The following C1QL1 variants were observed in gnomAD, a reference collection of about 807,000 sequenced individuals.
C1QL1 encodes C1q-related factor.
A neutral mutation model predicts 14.2 loss-of-function variants in C1QL1; 15 were observed. That is an observed-to-expected ratio of 1.06 (90% CI 0.71 to 1.62). The LOEUF is 1.62. Ranked by LOEUF, C1QL1 falls within the 40% of genes most tolerant of loss-of-function variation. The pLI, the probability that C1QL1 is intolerant of heterozygous loss-of-function variation, is 0.00. For synonymous variants in C1QL1, 172 were observed against 172.4 expected (o/e 1.00, Z 0.02); for missense variants, 346 against 380.3 (o/e 0.91, Z 0.75).
Position 44,967,643 on chromosome 17 carries a change from G to A in C1QL1, c.406C>T (p.Leu136Phe). The A allele has an allele frequency of 6.2e-7, 1 of 1,613,846 alleles. No homozygotes were observed. Among genetic ancestry groups the A allele is most frequent in the Non-Finnish European group, 8.5e-7 (1 of 1,179,910 alleles). The change falls in exon 1 of 2, where the codon CTC becomes TTC. Residue 136 changes from leucine to phenylalanine, a missense_variant. Physicochemically the swap from Leu to Phe is conservative, Grantham distance 22. Transcript: ENST00000253407. The surrounding 1 kb of genome is among the most constrained non-coding windows in gnomAD (Gnocchi z 7.0). ...TVPRVAFYAG[L>F]KNPHEGYEVL... ...TCGTAACCCTCGTGGGGGTTCTTGA[G>A]GCCGGCGTAGAAGGCCACGCGCGGC...
rs773995562 is a variant in C1QL1, at chr17:44,967,572, G to A, written c.477C>T (p.Tyr159=). Residue 159 remains tyrosine (Y), a synonymous_variant, in exon 1 of 2, where the codon TAC becomes TAT. Coordinates refer to ENST00000253407, the MANE Select transcript of C1QL1 (RefSeq NM_006688.5). This position sits in a 1 kb window ranked among gnomAD's most constrained non-coding sequence, Gnocchi z 7.0. ...DDVVTNLGNN[Y]DAASGKFTCN... ...ACGTAAACTTGCCGCTGGCCGCGTC[G>A]TAGTTGTTGCCTAGGTTGGTGACCA... is the stretch of plus-strand genomic sequence containing the variant. 3 of 1,614,104 alleles carry A rather than the reference G, an allele frequency of 1.9e-6. No individual in the cohort carries two copies. The highest frequency in any genetic ancestry group is 1.7e-6 in the Non-Finnish European group (2 of 1,179,954).
Position 44,968,051 on chromosome 17 carries a change from C to G in C1QL1, c.-3G>C. 7.6e-7 allele frequency: 1 copy of G among 1,322,552 alleles called. No homozygotes were observed. The highest frequency in any genetic ancestry group is 9.7e-7 in the Non-Finnish European group (1 of 1,035,840). The allele number at this position is 1,322,552 out of a possible 1,614,324, so 81.9% of individuals were successfully genotyped here. ...AGCACCACCAGCACCAGCAGCATCA[C>G]CACACCCGCGGCGGCCGCTAGCAGC... On this transcript the variant is annotated 5_prime_UTR_variant, in exon 1 of 2. Transcript: ENST00000253407.
In C1QL1 at chr17:44,960,019, C is replaced by T. The variant is rs1005172476; in HGVS notation, c.*169G>A. On this transcript the variant is annotated 3_prime_UTR_variant, in exon 2 of 2. Transcript: ENST00000253407. ...CGCTGGGCCCGGCTCTGCAGCGAGC[C>T]GGTGGGAGGGCCTAGCTGTGGCCCA... The T allele has an allele frequency of 3.1e-6, 2 of 639,900 alleles. No homozygotes were observed. The highest frequency in any genetic ancestry group is 1.9e-5 in the African/African-American group (1 of 53,572). 39.6% of individuals were successfully genotyped at this position (639,900 alleles called of 1,614,324 possible).
chr17:44,967,761 C>G lies in C1QL1; in HGVS notation c.288G>C (p.Pro96=). 6.4e-7 allele frequency: 1 copy of G among 1,567,150 alleles called. No individual in the cohort carries two copies. The highest frequency in any genetic ancestry group is 8.6e-7 in the Non-Finnish European group (1 of 1,160,672). Residue 96 remains proline, a synonymous_variant, in exon 1 of 2, where the codon CCG becomes CCC. Coordinates refer to ENST00000253407, the MANE Select transcript of C1QL1 (RefSeq NM_006688.5). This position sits in a 1 kb window ranked among gnomAD's most constrained non-coding sequence, Gnocchi z 7.0. Reference sequence around the variant, plus strand: ...GCTTGCCTGGCTCACCCTTCTCCCCCGGCGGCCCCACAGGGCCGGGAGGAC... The same window carrying G: ...GCTTGCCTGGCTCACCCTTCTCCCCGGGCGGCCCCACAGGGCCGGGAGGAC... ...DPGPPGPVGP[P]GEKGEPGKPG... is the part of the protein sequence containing the mutation.
chr17:44,967,007 G>C lies in C1QL1; in HGVS notation c.597+445C>G, dbSNP rs541303554. Among the ~76,000 whole-genome samples, 8 of 152,170 alleles carry C rather than the reference G, an allele frequency of 5.3e-5. No individual in the cohort carries two copies. In the East Asian group the frequency reaches 1.6e-3, roughly 30 times the overall value. ...TTCCTGCAGCCAGCCTTCTCCGCTC[G>C]CGCCCATGGCCACGCGCCTAGGCGC... On this transcript the variant is annotated intron_variant, in intron 1 of 1. Coordinates refer to ENST00000253407, the MANE Select transcript of C1QL1 (RefSeq NM_006688.5). This position sits in a 1 kb window ranked among gnomAD's most constrained non-coding sequence, Gnocchi z 7.0.
intron 1 of C1QL1, among the ~76,000 whole-genome samples, chr17:44,962,346 G>A (rs571901891): frequency 6.6e-6 from 1 of 152,196 alleles, no homozygotes; most frequent in Non-Finnish European, 1.5e-5. Flanking sequence ...TCCCTTTAAA[G>A]CCCTTCTCCA....
chr17:44,966,004 G>T (rs1366333982), intron 1 of C1QL1, among the ~76,000 whole-genome samples: 1 of 152,262 alleles, frequency 6.6e-6, no homozygotes, highest in Non-Finnish European at 1.5e-5. Flanking sequence ...GGGGATGTCT[G>T]ATAGACACAC....
In C1QL1 at chr17:44,967,313, A is replaced by G; in HGVS notation, c.597+139T>C. ...GCTCCGACCATCCCCACACGTGATG[A>G]CCAAGCGGGGCCGCTGTGGGGTGGG... On this transcript the variant is annotated intron_variant, in intron 1 of 1. Coordinates refer to ENST00000253407, the MANE Select transcript of C1QL1 (RefSeq NM_006688.5). The surrounding 1 kb of genome is among the most constrained non-coding windows in gnomAD (Gnocchi z 7.0). 1.1e-6 allele frequency: 1 copy of G among 899,996 alleles called. No homozygotes were observed. Among genetic ancestry groups the G allele is most frequent in the Non-Finnish European group, 1.7e-6 (1 of 590,904 alleles). 55.8% of individuals were successfully genotyped at this position (899,996 alleles called of 1,614,324 possible).
rs530730090 is a variant in C1QL1 at position 44,959,822 on chromosome 17, C to G, written c.*366G>C. 25 of 211,000 alleles carry G rather than the reference C, an allele frequency of 1.2e-4. No individual in the cohort carries two copies. In the East Asian group the frequency reaches 3.0e-3, roughly 25 times the overall value. 13.1% of individuals were successfully genotyped at this position (211,000 alleles called of 1,614,324 possible). On this transcript the variant is annotated 3_prime_UTR_variant, in exon 2 of 2. Coordinates refer to ENST00000253407, the MANE Select transcript of C1QL1 (RefSeq NM_006688.5). Reference sequence around the variant, plus strand: ...CCCGGGCGCGCCACCCCGGAGGGAGCGGAGGGCAGCTCATCTCAGAGCGCA... The same window carrying G: ...CCCGGGCGCGCCACCCCGGAGGGAGGGGAGGGCAGCTCATCTCAGAGCGCA...
At chr17:44,960,449 G>A (rs1404594939) in intron 1 of C1QL1, 82 bp from the exon 2 acceptor site, 4 of 973,216 alleles carry the variant, frequency 4.1e-6, no homozygotes, top group Non-Finnish European at 4.8e-6. Flanking sequence ...CCGTGGGGGA[G>A]GATCAGCAGA....
Position 44,964,831 on chromosome 17 carries a change from A to ATCTTTTCTTT in C1QL1, c.597+2611_597+2620dup, listed in dbSNP as rs55805613. Among the ~76,000 whole-genome samples the ATCTTTTCTTT allele has an allele frequency of 3.0e-3, 444 of 149,638 alleles. 1 individual carries two copies. Among genetic ancestry groups the ATCTTTTCTTT allele is most frequent in the African/African-American group, 9.8e-3 (397 of 40,582 alleles). On this transcript the variant is annotated intron_variant, in intron 1 of 1. Transcript: ENST00000253407. ...CTGGTTTTCTTTTCTTTTCGTTTTTATCTTTTCTTTTCTTTTCTTTTTTTT... is the reference window on the plus strand; with the variant it reads ...CTGGTTTTCTTTTCTTTTCGTTTTTATCTTTTCTTTTCTTTTCTTTTCTTTTCTTTTTTTT...
At chr17:44,960,488 C>G in intron 1 of C1QL1, 121 bp from the exon 2 acceptor site, 2 of 671,958 alleles carry the variant, frequency 3.0e-6, no homozygotes, top group Admixed American at 4.8e-5. Context: ...AGCCTCGCCT[C>G]ATCCCTGCCA....
intron 1 of C1QL1, among the ~76,000 whole-genome samples, chr17:44,966,179 G>T (rs2052656411): frequency 6.6e-6 from 1 of 152,206 alleles, no homozygotes; most frequent in Admixed American, 6.5e-5. Flanking sequence ...CCAGAGAAAA[G>T]GTGTTGGCGG....
intron 1 of C1QL1, among the ~76,000 whole-genome samples, chr17:44,963,015 G>A (rs2052636329): frequency 6.6e-6 from 1 of 152,202 alleles, no homozygotes; most frequent in South Asian, 2.1e-4. Context: ...GGAGACAGTT[G>A]AGGCCTGCAG....
At position 44,960,231 on chromosome 17, in the gene C1QL1, T is replaced by C; in HGVS notation, c.734A>G (p.Asn245Ser). 1 of 1,614,178 alleles carries C rather than the reference T, an allele frequency of 6.2e-7. No individual in the cohort carries two copies. The highest frequency in any genetic ancestry group is 8.5e-7 in the Non-Finnish European group (1 of 1,180,022). ...DGGKAHGGNS[N>S]KYSTFSGFII... ...GAAGCCAGAGAACGTGCTGTATTTG[T>C]TGCTGTTGCCGCCGTGTGCTTTGCC... Residue 245 changes from asparagine to serine, a missense_variant, in exon 2 of 2, where the codon AAC (asparagine) becomes AGC (serine). Asn to Ser is a conservative substitution (Grantham distance 46). Transcript: ENST00000253407.
intron 1 of C1QL1, among the ~76,000 whole-genome samples, chr17:44,960,824 G>T (rs950359880): frequency 3.9e-5 from 6 of 152,200 alleles, no homozygotes; most frequent in African/African-American, 1.4e-4. Context: ...TTATGTCAGT[G>T]GATGGACACA....
Position 44,967,623 on chromosome 17 carries a change from AC to A in C1QL1, c.425del (p.Gly142ValfsTer14). ...FYAGLKNPHE[G>X]YEVLKFDDVV... ...CGTCGTCAAACTTGAGTACCTCGTAACCCTCGTGGGGGTTCTTGAGGCCGGC... is the reference window on the plus strand; with the variant it reads ...CGTCGTCAAACTTGAGTACCTCGTAACCTCGTGGGGGTTCTTGAGGCCGGC... On this transcript the variant is annotated frameshift_variant, in exon 1 of 2. Coordinates refer to ENST00000253407, the MANE Select transcript of C1QL1 (RefSeq NM_006688.5). LOFTEE classifies it high-confidence loss of function. This position sits in a 1 kb window ranked among gnomAD's most constrained non-coding sequence, Gnocchi z 7.0. 1 of 1,613,884 alleles carries A rather than the reference AC, an allele frequency of 6.2e-7. No homozygotes were observed. Among genetic ancestry groups the A allele is most frequent in the Non-Finnish European group, 8.5e-7 (1 of 1,179,886 alleles).
chr17:44,967,755 C>T lies in C1QL1; in HGVS notation c.294G>A (p.Glu98=). ...GGCCCGGCTTGCCTGGCTCACCCTT[C>T]TCCCCCGGCGGCCCCACAGGGCCGG... is the stretch of plus-strand genomic sequence containing the variant. ...GPPGPVGPPG[E]KGEPGKPGPP... The change falls in exon 1 of 2, where the codon GAG becomes GAA. Residue 98 remains glutamate (E), a synonymous_variant. Coordinates refer to ENST00000253407, the MANE Select transcript of C1QL1 (RefSeq NM_006688.5). The surrounding 1 kb of genome is among the most constrained non-coding windows in gnomAD (Gnocchi z 7.0). The T allele has an allele frequency of 6.3e-7, 1 of 1,575,872 alleles. No homozygotes were observed.
intron 1 of C1QL1, among the ~76,000 whole-genome samples, chr17:44,964,166 C>T (rs930314334): frequency 3.3e-5 from 5 of 152,128 alleles, no homozygotes; most frequent in Non-Finnish European, 7.3e-5. Flanking sequence ...CCGAACTTGC[C>T]CGGAGAGGAG....
Sources: allele counts gnomAD v4.1 joint callset (sites outside exome capture counted in the v4.1 genomes callset), GRCh38; gene constraint gnomAD v4.1.1; non-coding constraint Gnocchi (gnomAD v3.1); transcripts MANE v1.5; gene names NCBI Gene and HGNC (gene_info 2026-07-23, HGNC 2026-07-21).